Variants in PTPRD observed in about 807,000 individuals in gnomAD.
PTPRD encodes receptor-type tyrosine-protein phosphatase delta.
A neutral mutation model predicts 214.5 loss-of-function variants in PTPRD; 34 were observed. The ratio of observed to expected loss-of-function variants is 0.16; its 90% CI spans 0.12 to 0.21. The LOEUF is 0.21. PTPRD is among the 10% of genes least tolerant of loss of function. PTPRD has a pLI of 1.00. For synonymous variants in PTPRD, 1,128 were observed against 845.7 expected, an observed-to-expected ratio of 1.33 and a Z score of -5.79; for missense variants, 2,545 against 2,398.7, an observed-to-expected ratio of 1.06 and a Z score of -1.27.
intron 37 of PTPRD, among the ~76,000 whole-genome samples, chr9:8,378,615 A>G (rs1428816929): frequency 6.6e-6 from 1 of 152,102 alleles, no homozygotes; most frequent in Non-Finnish European, 1.5e-5. Flanking sequence ...TAACAGTCTC[A>G]GCTGGAGAGC....
intron 5 of PTPRD, among the ~76,000 whole-genome samples, chr9:9,882,528 T>C (rs2069115561): frequency 1.3e-5 from 2 of 152,164 alleles, no homozygotes; most frequent in Non-Finnish European, 2.9e-5. Context: ...TCTAGGCATA[T>C]AATTTATATC....
At chr9:9,166,554 C>A (rs2099904472) in intron 10 of PTPRD, among the ~76,000 whole-genome samples, 1 of 152,168 alleles carries the variant, frequency 6.6e-6, no homozygotes, top group Non-Finnish European at 1.5e-5. Flanking sequence ...ATCATCCCTA[C>A]AAAACCTAGA....
chr9:8,639,804 A>C (rs950246696), intron 12 of PTPRD, among the ~76,000 whole-genome samples: 7 of 152,166 alleles, frequency 4.6e-5, no homozygotes, highest in Admixed American at 1.3e-4. Context: ...TAAACATAGA[A>C]ATCTTATTTC....
chr9:10,239,620 T>C (rs961294451), intron 3 of PTPRD, among the ~76,000 whole-genome samples: 1 of 151,878 alleles, frequency 6.6e-6, no homozygotes, highest in Non-Finnish European at 1.5e-5. Context: ...AGCAGAATAA[T>C]AATAATGAAC....
At chr9:9,192,304 T>C (rs1012786705) in intron 9 of PTPRD, among the ~76,000 whole-genome samples, 1 of 152,068 alleles carries the variant, frequency 6.6e-6, no homozygotes, top group East Asian at 1.9e-4. Context: ...AAAATAAACT[T>C]GAGAGCTGAA....
intron 10 of PTPRD, among the ~76,000 whole-genome samples, chr9:9,116,108 A>G (rs566350268): frequency 3.3e-5 from 5 of 152,208 alleles, no homozygotes; most frequent in African/African-American, 1.2e-4. Flanking sequence ...ATTGGGTACT[A>G]TGCTCACTAC....
intron 43 of PTPRD, among the ~76,000 whole-genome samples, chr9:8,336,483 T>TAAAATAAA: frequency 7.1e-6 from 1 of 141,022 alleles, no homozygotes; most frequent in Non-Finnish European, 1.5e-5. Flanking sequence ...TGTAAAATGA[T>TAAAATAAA]GAAAACCCCT....
chr9:10,544,338 T>G (rs1166637892), intron 2 of PTPRD, among the ~76,000 whole-genome samples: 2 of 152,162 alleles, frequency 1.3e-5, no homozygotes, highest in Non-Finnish European at 2.9e-5. Flanking sequence ...AAGACAAAAA[T>G]GTACCATTTT....
intron 3 of PTPRD, among the ~76,000 whole-genome samples, chr9:10,223,626 T>A (rs1328611434): frequency 6.6e-6 from 1 of 150,528 alleles, no homozygotes; most frequent in East Asian, 2.0e-4. Flanking sequence ...ATCACAATCA[T>A]GCCACTGCAC....
intron 5 of PTPRD, among the ~76,000 whole-genome samples, chr9:9,823,189 A>G (rs1001064050): frequency 3.3e-5 from 5 of 152,130 alleles, no homozygotes; most frequent in African/African-American, 1.2e-4. Flanking sequence ...AGAGGTAATC[A>G]GTTCATAGTT....
At chr9:10,601,992 T>A (rs1433190219) in intron 2 of PTPRD, among the ~76,000 whole-genome samples, 1 of 151,848 alleles carries the variant, frequency 6.6e-6, no homozygotes, top group Non-Finnish European at 1.5e-5. Context: ...TTTACATATC[T>A]TTCACACCTG....
chr9:9,732,954 T>A (rs2098225224), intron 7 of PTPRD, among the ~76,000 whole-genome samples: 10 of 152,018 alleles, frequency 6.6e-5, no homozygotes, highest in Admixed American at 6.6e-4. Context: ...TTCAAGTTCC[T>A]TTTGTTCATA....
chr9:9,744,199 C>T (rs1286325799), intron 6 of PTPRD, among the ~76,000 whole-genome samples: 3 of 152,010 alleles, frequency 2.0e-5, no homozygotes, highest in Non-Finnish European at 4.4e-5. Context: ...TCATAATCAA[C>T]GATATATCGT....
chr9:8,458,159 AAAAT>A (rs2096269990), intron 33 of PTPRD, among the ~76,000 whole-genome samples: 2 of 152,116 alleles, frequency 1.3e-5, no homozygotes, highest in African/African-American at 2.4e-5. Flanking sequence ...GGCCCACACT[AAAAT>A]GCTACTCTAT....
At chr9:9,198,211 A>T (rs1441948755) in intron 9 of PTPRD, among the ~76,000 whole-genome samples, 3 of 152,058 alleles carry the variant, frequency 2.0e-5, no homozygotes, top group Non-Finnish European at 4.4e-5. Context: ...CATTTCTTTA[A>T]TCTTTTGCAG....
chr9:9,973,742 G>T (rs2095244124), intron 4 of PTPRD, among the ~76,000 whole-genome samples: 1 of 152,074 alleles, frequency 6.6e-6, no homozygotes, highest in African/African-American at 2.4e-5. Flanking sequence ...ATATATTGGT[G>T]TGAAAACATG....
chr9:9,076,128 C>G (rs1426940049), intron 10 of PTPRD, among the ~76,000 whole-genome samples: 1 of 152,078 alleles, frequency 6.6e-6, no homozygotes, highest in East Asian at 1.9e-4. Context: ...TGGTATCTCA[C>G]TGTGGTCTTG....
At chr9:10,350,904 G>T (rs1411167363) in intron 2 of PTPRD, among the ~76,000 whole-genome samples, 1 of 152,106 alleles carries the variant, frequency 6.6e-6, no homozygotes, top group African/African-American at 2.4e-5. Flanking sequence ...GAAAGACATC[G>T]TAATTCCTTA....
chr9:10,345,591 G>C (rs1274458967), intron 2 of PTPRD, among the ~76,000 whole-genome samples: 1 of 152,180 alleles, frequency 6.6e-6, no homozygotes, highest in East Asian at 1.9e-4. Context: ...CAAAGGACAT[G>C]AACTCATCCT....
Sources: gnomAD v4.1 joint callset for allele counts (sites outside exome capture counted in the v4.1 genomes callset) on GRCh38, gnomAD v4.1.1 for gene constraint, MANE v1.5 for transcripts, NCBI Gene and HGNC (gene_info 2026-07-23, HGNC 2026-07-21) for gene names.